SMC4: variants seen among roughly 807,000 people sequenced by gnomAD.
The protein encoded by SMC4 is structural maintenance of chromosomes 4, also known as structural maintenance of chromosomes protein 4.
In SMC4, 87 loss-of-function variants were observed where a neutral mutation model predicts 145.6. That is an observed-to-expected ratio of 0.60 (90% CI 0.50 to 0.71). SMC4 has a LOEUF of 0.71. Ranked by LOEUF, SMC4 falls within the 30% of genes least tolerant of loss-of-function variation. The probability of loss-of-function intolerance (pLI) is 0.00; values close to 1 mark genes in which losing one functional copy is unlikely to be tolerated. For synonymous variants in SMC4, 558 were observed against 500.7 expected, an observed-to-expected ratio of 1.11 and a Z score of -1.53; for missense variants, 1,447 against 1,537.1, an observed-to-expected ratio of 0.94 and a Z score of 0.98.
chr3:160,404,164 T>C, intron 4 of SMC4, 164 bp from the exon 5 acceptor site: 1 of 586,344 alleles, frequency 1.7e-6, no homozygotes, highest in Non-Finnish European at 2.9e-6. Flanking sequence ...ATCAATTCTT[T>C]GCTAAGTTGG....
At chr3:160,423,314 A>G (rs1717381528) in intron 13 of SMC4, 111 bp from the exon 14 acceptor site, 1 of 805,792 alleles carries the variant, frequency 1.2e-6, no homozygotes. Flanking sequence ...TTTTGTGTAT[A>G]ATTCTTGTTT....
In SMC4 at chr3:160,420,886, T is replaced by G. The variant is rs773620299; in HGVS notation, c.2004T>G (p.Phe668Leu). The G allele has an allele frequency of 6.2e-7, 1 of 1,610,350 alleles. No individual in the cohort carries two copies. The highest frequency in any genetic ancestry group is 1.7e-5 in the Admixed American group (1 of 59,200). Reference sequence around the variant, plus strand: ...GACAAAATATTGGAGTTGCAACCTTTATAGGTTTAGATAAGGTGGGTATTC... The same window carrying G: ...GACAAAATATTGGAGTTGCAACCTTGATAGGTTTAGATAAGGTGGGTATTC... ...LKRQNIGVAT[F>L]IGLDKMAVWA... is the part of the protein sequence containing the mutation. Residue 668 changes from phenylalanine to leucine, a missense_variant, in exon 13 of 24, where the codon TTT becomes TTG. By Grantham distance (22) the Phe-to-Leu change is conservative (BLOSUM62 0). Coordinates refer to ENST00000357388, the MANE Select transcript of SMC4 (RefSeq NM_001002800.3).
At chr3:160,414,183 A>G (rs1261586336) in intron 8 of SMC4, 184 bp from the exon 9 acceptor site, 2 of 619,084 alleles carry the variant, frequency 3.2e-6, no homozygotes, top group African/African-American at 3.6e-5. Context: ...AGCTGTCATA[A>G]TCAAAAATAC....
chr3:160,425,287 T>C (rs757623937), intron 16 of SMC4, among the ~76,000 whole-genome samples: 6 of 152,146 alleles, frequency 3.9e-5, no homozygotes, highest in Non-Finnish European at 7.3e-5. Flanking sequence ...TATATGACCC[T>C]TTATTTTTAT....
intron 9 of SMC4, 168 bp downstream of exon 9, chr3:160,414,685 A>G: frequency 1.4e-6 from 1 of 740,536 alleles, no homozygotes; most frequent in Non-Finnish European, 2.2e-6. Flanking sequence ...CCTTGCTTCT[A>G]CTGACTTTAT....
At chr3:160,414,239 A>G in intron 8 of SMC4, 128 bp from the exon 9 acceptor site, 1 of 772,738 alleles carries the variant, frequency 1.3e-6, no homozygotes, top group Non-Finnish European at 2.3e-6. Flanking sequence ...TGGAATAAGG[A>G]GAGTTTTAGG....
chr3:160,406,181 C>T (rs997073462), intron 5 of SMC4, among the ~76,000 whole-genome samples: 2 of 152,048 alleles, frequency 1.3e-5, no homozygotes, highest in Admixed American at 6.5e-5. Context: ...ATAATCTGAA[C>T]CTTTTTATGT....
At chr3:160,433,495 A>G in intron 23 of SMC4, 162 bp from the exon 24 acceptor site, 1 of 558,156 alleles carries the variant, frequency 1.8e-6, no homozygotes, top group Non-Finnish European at 3.1e-6. Flanking sequence ...AAAATAACCA[A>G]ATTCCTTTCA....
rs928380213 is a variant in SMC4, at chr3:160,422,671, C to CT, written c.2020-746dup. On this transcript the variant is annotated intron_variant, in intron 13 of 23. Transcript: ENST00000357388. Reference sequence around the variant, plus strand: ...TGGTATCCTTTGAGGCACAATTTATCTTTTTTTTCCTTTGGTTGCTTGTGT... The same window carrying CT: ...TGGTATCCTTTGAGGCACAATTTATCTTTTTTTTTCCTTTGGTTGCTTGTGT... 2.3e-3 allele frequency among the ~76,000 whole-genome samples: 356 copies of CT among 152,088 alleles called. 4 individuals carry two copies. The highest frequency in any genetic ancestry group is 7.9e-3 in the African/African-American group (329 of 41,530).
chr3:160,425,963 C>A, intron 16 of SMC4, 111 bp from the exon 17 acceptor site: 1 of 781,612 alleles, frequency 1.3e-6, no homozygotes, highest in South Asian at 1.9e-5. Context: ...CTTTCCTCTT[C>A]CTATTAGTGT....
At chr3:160,426,541 A>T (rs895073943) in intron 17 of SMC4, among the ~76,000 whole-genome samples, 7 of 152,330 alleles carry the variant, frequency 4.6e-5, no homozygotes, top group African/African-American at 1.4e-4. Context: ...CACTCAGATA[A>T]CACAGGGAAT....
intron 4 of SMC4, 100 bp from the exon 5 acceptor site, chr3:160,404,228 A>G (rs969933599): frequency 9.1e-7 from 1 of 1,098,652 alleles, no homozygotes; most frequent in Non-Finnish European, 1.3e-6. Flanking sequence ...GAAGTTTTTA[A>G]TCCATAGAAT....
Position 160,401,994 on chromosome 3 carries a change from G to T in SMC4, c.219G>T (p.Met73Ile). ...TTCCTCCTCCCCCGCCTCCAGCAAT[G>T]ACCAATGAAGCTGGAGCTCCTCGGC... ...NSIPPPPPPA[M>I]TNEAGAPRLM... Residue 73 changes from methionine (M) to isoleucine (I), a missense_variant, in exon 3 of 24, where the codon ATG becomes ATT. Transcript: ENST00000357388. 1.2e-6 allele frequency: 2 copies of T among 1,604,760 alleles called. No individual in the cohort carries two copies. The highest frequency in any genetic ancestry group is 1.7e-6 in the Non-Finnish European group (2 of 1,176,088).
At chr3:160,408,747 A>T (rs1169720759) in intron 5 of SMC4, among the ~76,000 whole-genome samples, 1 of 152,204 alleles carries the variant, frequency 6.6e-6, no homozygotes, top group Non-Finnish European at 1.5e-5. Context: ...ACAGACTGTC[A>T]ATCTACAGAT....
rs1376821316 is a variant in SMC4, at chr3:160,413,617, A to G, written c.1121+4A>G. ...AAGATGTAAAAGATACAGAAAAGTA[A>G]TAATATTTTGGGAAGTACTAAAAGT... On this transcript the variant is annotated splice_donor_region_variant and intron_variant, in intron 8 of 23. Transcript: ENST00000357388. The G allele has an allele frequency of 4.5e-6, 6 of 1,343,854 alleles. No homozygotes were observed. The highest frequency in any genetic ancestry group is 6.2e-6 in the Non-Finnish European group (6 of 972,502). 83.2% of individuals were successfully genotyped at this position (1,343,854 alleles called of 1,614,324 possible). A position where few individuals can be genotyped will look rare whatever the true frequency, so the allele number is the denominator to read the frequency against.
chr3:160,406,341 G>A (rs1002007899), intron 5 of SMC4, among the ~76,000 whole-genome samples: 6 of 152,054 alleles, frequency 3.9e-5, no homozygotes, highest in South Asian at 4.1e-4. Flanking sequence ...ATTGGACTAC[G>A]GTAGAACTAA....
chr3:160,419,528 A>AAT lies in SMC4; in HGVS notation c.1847_1848dup (p.Gly617MetfsTer7). ...AAAAAAAATCTGGCAGGATTCCAGG[A>AAT]ATATATGGAAGATTGGTAAAGTAGA... On this transcript the variant is annotated frameshift_variant, in exon 12 of 24. Coordinates refer to ENST00000357388, the MANE Select transcript of SMC4 (RefSeq NM_001002800.3). LOFTEE classifies it high-confidence loss of function. The AAT allele has an allele frequency of 6.3e-7, 1 of 1,597,886 alleles. No homozygotes were observed. Among genetic ancestry groups the AAT allele is most frequent in the Non-Finnish European group, 8.5e-7 (1 of 1,176,138 alleles).
intron 20 of SMC4, 90 bp from the exon 21 acceptor site, chr3:160,431,553 T>C (rs938227936): frequency 2.0e-5 from 20 of 1,001,522 alleles, no homozygotes; most frequent in Non-Finnish European, 2.8e-5. Context: ...GTTGTTTTCA[T>C]AGCTGTGTAA....
At chr3:160,429,355 A>AT (rs1718128646) in intron 18 of SMC4, among the ~76,000 whole-genome samples, 1 of 152,126 alleles carries the variant, frequency 6.6e-6, no homozygotes, top group African/African-American at 2.4e-5. Context: ...TTTTATTTTT[A>AT]TTTTTTGATA....
Sources: allele counts gnomAD v4.1 joint callset (sites outside exome capture counted in the v4.1 genomes callset), GRCh38; gene constraint gnomAD v4.1.1; transcripts MANE v1.5; gene names NCBI Gene and HGNC (gene_info 2026-07-23, HGNC 2026-07-21).